Variants in SDHAF3 observed in about 807,000 individuals in gnomAD.
SDHAF3 encodes the protein succinate dehydrogenase assembly factor 3, mitochondrial.
SDHAF3 carries 18 observed loss-of-function variants against 11.5 expected under a neutral mutation model. The observed-to-expected ratio is 1.56, with a 90% CI of 1.08 to 2.32. The LOEUF is 2.32. SDHAF3 is among the 30% of genes most tolerant of loss of function. SDHAF3 has a pLI of 0.00. For synonymous variants in SDHAF3, 72 were observed against 59.3 expected (o/e 1.21, Z -0.99); for missense variants, 200 against 154.4 (o/e 1.30, Z -1.57).
At chr7:97,163,744 T>A (rs1789453458) in intron 1 of SDHAF3, among the ~76,000 whole-genome samples, 1 of 152,154 alleles carries the variant, frequency 6.6e-6, no homozygotes, top group African/African-American at 2.4e-5. Context: ...TTCTTCATAG[T>A]GTTGATGTTC....
intron 1 of SDHAF3, among the ~76,000 whole-genome samples, chr7:97,129,972 C>G (rs1043928012): frequency 1.3e-5 from 2 of 152,120 alleles, no homozygotes; most frequent in Admixed American, 6.5e-5. Flanking sequence ...GTGGCTGGAC[C>G]AGGCATACCA....
At chr7:97,160,310 TGAG>T (rs1158431428) in intron 1 of SDHAF3, among the ~76,000 whole-genome samples, 1 of 149,234 alleles carries the variant, frequency 6.7e-6, no homozygotes, top group Non-Finnish European at 1.5e-5. Flanking sequence ...ATCTGGGAAG[TGAG>T]GAGCGCCTCT....
intron 1 of SDHAF3, among the ~76,000 whole-genome samples, chr7:97,127,090 A>G (rs1365260909): frequency 2.0e-5 from 3 of 152,142 alleles, no homozygotes; most frequent in South Asian, 2.1e-4. Context: ...GGGTGAGGCA[A>G]CACCCCATGC....
chr7:97,130,806 G>A (rs1216357002), intron 1 of SDHAF3, among the ~76,000 whole-genome samples: 2 of 152,216 alleles, frequency 1.3e-5, no homozygotes, highest in Non-Finnish European at 2.9e-5. Context: ...CCTACCTGAA[G>A]GGGGATAGTC....
intron 1 of SDHAF3, among the ~76,000 whole-genome samples, chr7:97,180,277 G>A (rs1789749447): frequency 6.6e-6 from 1 of 152,188 alleles, no homozygotes. Flanking sequence ...TGTGTTACAT[G>A]TCACCGTGGA....
intron 1 of SDHAF3, among the ~76,000 whole-genome samples, chr7:97,172,683 A>G (rs567853976): frequency 7.2e-5 from 11 of 152,354 alleles, no homozygotes; most frequent in Admixed American, 2.6e-4. Context: ...GAATTATTAA[A>G]TAAAGGTTCA....
chr7:97,124,649 G>A (rs1396951071), intron 1 of SDHAF3, among the ~76,000 whole-genome samples: 1 of 152,168 alleles, frequency 6.6e-6, no homozygotes, highest in Admixed American at 6.5e-5. Flanking sequence ...TTTTCCATTT[G>A]TTTGTGTCCT....
At chr7:97,164,884 T>C (rs1211685519) in intron 1 of SDHAF3, among the ~76,000 whole-genome samples, 1 of 152,148 alleles carries the variant, frequency 6.6e-6, no homozygotes, top group Admixed American at 6.5e-5. Context: ...CAAAATTACA[T>C]AGTGAACTGA....
At chr7:97,133,968 A>G (rs1329948139) in intron 1 of SDHAF3, among the ~76,000 whole-genome samples, 1 of 152,248 alleles carries the variant, frequency 6.6e-6, no homozygotes, top group Non-Finnish European at 1.5e-5. Flanking sequence ...TACATGTCAT[A>G]GGTTAAGTAG....
At chr7:97,141,911 T>G (rs1334446423) in intron 1 of SDHAF3, among the ~76,000 whole-genome samples, 2 of 152,110 alleles carry the variant, frequency 1.3e-5, no homozygotes, top group African/African-American at 4.8e-5. Context: ...CAGTAGTATG[T>G]TTTAATAGAT....
rs553012473 is a variant in SDHAF3, at chr7:97,149,228, T to C, written c.174+31331T>C. Among the ~76,000 whole-genome samples the C allele has an allele frequency of 2.0e-5, 3 of 152,240 alleles. No homozygotes were observed. The East Asian group carries it at 5.8e-4, about 29-fold the overall frequency. ...CTGGGATTACAGGTGTGAGCCACCG[T>C]GCCTGGCTGATTTGTGTCTTTTGAT... On this transcript the variant is annotated intron_variant, in intron 1 of 1. Transcript: ENST00000432641.
intron 1 of SDHAF3, among the ~76,000 whole-genome samples, chr7:97,161,082 A>T (rs1426058895): frequency 2.0e-5 from 3 of 152,168 alleles, no homozygotes; most frequent in Non-Finnish European, 4.4e-5. Context: ...CATACAGTGC[A>T]ATAGCCTTTT....
At chr7:97,148,964 C>G (rs1243221798) in intron 1 of SDHAF3, among the ~76,000 whole-genome samples, 1 of 149,350 alleles carries the variant, frequency 6.7e-6, no homozygotes, top group African/African-American at 2.5e-5. Context: ...GGATCTCACT[C>G]TGTCTCACAG....
intron 1 of SDHAF3, among the ~76,000 whole-genome samples, chr7:97,167,959 G>C (rs1312281710): frequency 6.6e-6 from 1 of 152,194 alleles, no homozygotes; most frequent in African/African-American, 2.4e-5. Flanking sequence ...ACAGGGTCTT[G>C]CCTGGGCATG....
intron 1 of SDHAF3, among the ~76,000 whole-genome samples, chr7:97,161,745 C>G (rs1217415213): frequency 2.0e-5 from 3 of 152,096 alleles, no homozygotes; most frequent in African/African-American, 7.2e-5. Context: ...TTCATCCATG[C>G]CCCTGCGAAG....
intron 1 of SDHAF3, among the ~76,000 whole-genome samples, chr7:97,125,580 G>A (rs1160483739): frequency 6.6e-6 from 1 of 152,072 alleles, no homozygotes; most frequent in African/African-American, 2.4e-5. Context: ...ATTTCAGTAA[G>A]TTGATCTTCA....
At chr7:97,140,394 A>T (rs193096576) in intron 1 of SDHAF3, among the ~76,000 whole-genome samples, 358 of 125,124 alleles carry the variant, frequency 2.9e-3, no homozygotes, top group African/African-American at 0.011. Context: ...CACCCAGGCT[A>T]GAGGGCAGTG....
rs775783229 is a variant in SDHAF3 at position 97,181,231 on chromosome 7, T to TTAA, written c.*20_*22dup. The TTAA allele has an allele frequency of 1.0e-5, 16 of 1,573,182 alleles. No homozygotes were observed. Among genetic ancestry groups the TTAA allele is most frequent in the Non-Finnish European group, 1.4e-5 (16 of 1,161,852 alleles). ...AAAATTTTAGTCTATACAACAAAGCTTAATAAGACATGCAAAAATTTAGAA... is the reference window on the plus strand; with the variant it reads ...AAAATTTTAGTCTATACAACAAAGCTTAATAATAAGACATGCAAAAATTTAGAA... On this transcript the variant is annotated 3_prime_UTR_variant, in exon 2 of 2. Transcript: ENST00000432641.
intron 1 of SDHAF3, among the ~76,000 whole-genome samples, chr7:97,155,358 G>A (rs573662934): frequency 3.7e-4 from 57 of 152,298 alleles, no homozygotes; most frequent in African/African-American, 1.4e-3. Flanking sequence ...CTATTGGACA[G>A]TGTAGCTCTG....
Sources: gnomAD v4.1 joint callset for allele counts (sites outside exome capture counted in the v4.1 genomes callset) on GRCh38, gnomAD v4.1.1 for gene constraint, MANE v1.5 for transcripts, NCBI Gene and HGNC (gene_info 2026-07-23, HGNC 2026-07-21) for gene names.